ACADSB: variants seen among roughly 807,000 people sequenced by gnomAD.
The protein encoded by ACADSB is short/branched chain specific acyl-CoA dehydrogenase, mitochondrial.
Under a neutral mutation model 54.1 loss-of-function variants are expected in ACADSB, and 40 were observed. The ratio of observed to expected loss-of-function variants is 0.74; its 90% confidence interval spans 0.57 to 0.96. The LOEUF is 0.96. ACADSB is among the 40% of genes least tolerant of loss of function. The pLI is 0.00. For missense variants in ACADSB, 530 were observed against 510.4 expected, an observed-to-expected ratio of 1.04 and a Z score of -0.37; for synonymous variants, 182 against 182.8, an observed-to-expected ratio of 1.00 and a Z score of 0.03.
At chr10:123,025,487 A>G (rs1357251752) in intron 1 of ACADSB, among the ~76,000 whole-genome samples, 1 of 151,600 alleles carries the variant, frequency 6.6e-6, no homozygotes, top group African/African-American at 2.4e-5. Flanking sequence ...ATAAATAAAT[A>G]AATAAAATAA....
Position 123,034,214 on chromosome 10 carries a change from T to C in ACADSB, c.43-142T>C, listed in dbSNP as rs185330276. ...TCATGTTAACAACTAATTTGTGTTA[T>C]GTTTAAAAGACTGAATTTAAAAATG... On this transcript the variant is annotated intron_variant, in intron 1 of 10. Transcript: ENST00000358776. The C allele has an allele frequency of 3.2e-4, 256 of 802,330 alleles. 1 individual carries two copies. In the African/African-American group the frequency reaches 3.7e-3, roughly 12 times the overall value. 49.7% of individuals were successfully genotyped at this position (802,330 alleles called of 1,614,324 possible). A position where few individuals can be genotyped will look rare whatever the true frequency, so the allele number is the denominator to read the frequency against.
chr10:123,039,594 T>C (rs1415986505), intron 3 of ACADSB, among the ~76,000 whole-genome samples: 1 of 152,180 alleles, frequency 6.6e-6, no homozygotes, highest in Non-Finnish European at 1.5e-5. Flanking sequence ...ATCCTGAACT[T>C]ATGAAGTGGC....
At chr10:123,021,591 C>T (rs1307295694) in intron 1 of ACADSB, among the ~76,000 whole-genome samples, 2 of 152,188 alleles carry the variant, frequency 1.3e-5, no homozygotes, top group Non-Finnish European at 2.9e-5. Context: ...ACACACCTTG[C>T]ATGTCTTTTT....
chr10:123,048,614 A>G (rs905674114), intron 8 of ACADSB, among the ~76,000 whole-genome samples: 3 of 152,198 alleles, frequency 2.0e-5, no homozygotes, highest in Admixed American at 6.5e-5. Flanking sequence ...CAATAGACAG[A>G]AGGGGTCAGG....
In ACADSB at chr10:123,052,497, A is replaced by G. The variant is rs552960884; in HGVS notation, c.1129-564A>G. Among the ~76,000 whole-genome samples the G allele has an allele frequency of 4.6e-4, 70 of 152,270 alleles. No homozygotes were observed. The highest frequency in any genetic ancestry group is 1.6e-3 in the African/African-American group (68 of 41,530). On this transcript the variant is annotated intron_variant, in intron 9 of 10. Transcript: ENST00000358776. This position sits in a 1 kb window ranked among gnomAD's most constrained non-coding sequence, Gnocchi z 4.2. ...CTGTGATTATATCACAGCCACCCAG[A>G]TAATTCAGGGTAATCTCTCCATCTC...
chr10:123,038,405 A>G (rs1334042613), intron 3 of ACADSB, among the ~76,000 whole-genome samples: 2 of 152,226 alleles, frequency 1.3e-5, no homozygotes, highest in Admixed American at 1.3e-4. Context: ...CGGGCAACAG[A>G]TTCCCATCTT....
At chr10:123,039,335 ACT>A (rs1850441714) in intron 3 of ACADSB, among the ~76,000 whole-genome samples, 1 of 152,166 alleles carries the variant, frequency 6.6e-6, no homozygotes, top group Non-Finnish European at 1.5e-5. Context: ...CACAGCCCTG[ACT>A]GCAGCATAGT....
chr10:123,047,117 C>T, intron 7 of ACADSB, 92 bp from the exon 8 acceptor site: 3 of 1,046,246 alleles, frequency 2.9e-6, no homozygotes, highest in Non-Finnish European at 4.3e-6. Context: ...CTGCCCCAAT[C>T]ATTCAATTTA....
chr10:123,037,625 T>C (rs1589739870), intron 2 of ACADSB, 122 bp from the exon 3 acceptor site: 1 of 629,476 alleles, frequency 1.6e-6, no homozygotes, highest in East Asian at 2.9e-5. Flanking sequence ...AATTCTATTT[T>C]AAAAATATAA....
In ACADSB at chr10:123,043,164, A is replaced by C. The variant is rs756028183; in HGVS notation, c.800A>C (p.Asn267Thr). The change falls in exon 6 of 11, where the codon AAT becomes ACT. Residue 267 changes from asparagine to threonine, a missense_variant. Physicochemically the swap from Asn to Thr is moderately conservative, Grantham distance 65. Coordinates refer to ENST00000358776, the MANE Select transcript of ACADSB (RefSeq NM_001609.4). Reference sequence around the variant, plus strand: ...TCCACCTGCCCGTTAACATTCGAAAATGTCAAGGTGGGTATCGTAGACTAA... The same window carrying C: ...TCCACCTGCCCGTTAACATTCGAAACTGTCAAGGTGGGTATCGTAGACTAA... ...ASSTCPLTFE[N>T]VKVPEANILG... The C allele has an allele frequency of 6.2e-7, 1 of 1,613,814 alleles. No individual in the cohort carries two copies. The highest frequency in any genetic ancestry group is 8.5e-7 in the Non-Finnish European group (1 of 1,179,790).
At chr10:123,036,503 G>A (rs1489302459) in intron 2 of ACADSB, among the ~76,000 whole-genome samples, 1 of 152,202 alleles carries the variant, frequency 6.6e-6, no homozygotes, top group East Asian at 1.9e-4. Flanking sequence ...CAAAGAATTT[G>A]CTTAGAGTAT....
At chr10:123,015,355 T>G (rs1564745764) in intron 1 of ACADSB, among the ~76,000 whole-genome samples, 1 of 152,218 alleles carries the variant, frequency 6.6e-6, no homozygotes, top group Non-Finnish European at 1.5e-5. Flanking sequence ...CATTGTCGTT[T>G]TTGTTGTTGT....
At chr10:123,032,036 G>A (rs1850334166) in intron 1 of ACADSB, among the ~76,000 whole-genome samples, 1 of 151,854 alleles carries the variant, frequency 6.6e-6, no homozygotes. Flanking sequence ...CTGGAGTGCA[G>A]TGGTGTGATC....
At chr10:123,035,227 A>G (rs569091565) in intron 2 of ACADSB, among the ~76,000 whole-genome samples, 2 of 152,088 alleles carry the variant, frequency 1.3e-5, no homozygotes, top group Non-Finnish European at 2.9e-5. Context: ...AAGTGCTGGG[A>G]TTACAGGCGT....
intron 1 of ACADSB, among the ~76,000 whole-genome samples, chr10:123,016,819 A>G (rs1850115129): frequency 6.6e-6 from 1 of 152,178 alleles, no homozygotes; most frequent in African/African-American, 2.4e-5. Context: ...GGAAAAGGAT[A>G]TTTAAAAGCA....
At chr10:123,033,408 A>G (rs1410489754) in intron 1 of ACADSB, among the ~76,000 whole-genome samples, 1 of 141,742 alleles carries the variant, frequency 7.1e-6, no homozygotes, top group East Asian at 1.9e-4. Context: ...CGTGTAATCA[A>G]AACTACTCAG....
At chr10:123,045,339 C>T (rs1401647548) in intron 7 of ACADSB, among the ~76,000 whole-genome samples, 2 of 9,718 alleles carry the variant, frequency 2.1e-4, no homozygotes, top group Non-Finnish European at 4.1e-4. Flanking sequence ...CCACCACGCC[C>T]AGCCAATTTT....
intron 1 of ACADSB, among the ~76,000 whole-genome samples, chr10:123,024,885 T>G (rs1251600023): frequency 6.6e-6 from 1 of 152,212 alleles, no homozygotes; most frequent in Non-Finnish European, 1.5e-5. Context: ...CAAAATTATT[T>G]ACTTGGCTTT....
intron 6 of ACADSB, 52 bp from the exon 7 acceptor site, chr10:123,044,341 A>G (rs940143325): frequency 2.3e-5 from 33 of 1,459,430 alleles, no homozygotes; most frequent in Non-Finnish European, 3.1e-5. Flanking sequence ...ATATAATCAA[A>G]ATGAATCATG....
Sources: allele counts gnomAD v4.1 joint callset (sites outside exome capture counted in the v4.1 genomes callset), GRCh38; gene constraint gnomAD v4.1.1; non-coding constraint Gnocchi (gnomAD v3.1); transcripts MANE v1.5; gene names NCBI Gene and HGNC (gene_info 2026-07-23, HGNC 2026-07-21).